ADK: variants seen among roughly 807,000 people sequenced by gnomAD.
ADK encodes the protein adenosine kinase.
Under a neutral mutation model 44.7 loss-of-function variants are expected in ADK, and 24 were observed. The observed-to-expected ratio is 0.54, with a 90% CI of 0.39 to 0.76. The LOEUF is 0.76. ADK is among the 30% of genes least tolerant of loss of function. The pLI is 0.00. For missense variants in ADK, 321 were observed against 425.1 expected, an observed-to-expected ratio of 0.76 and a Z score of 2.15; for synonymous variants, 128 against 142.6, an observed-to-expected ratio of 0.90 and a Z score of 0.73.
intron 3 of ADK, among the ~76,000 whole-genome samples, chr10:74,290,102 T>A (rs11000962): frequency 1.7e-4 from 16 of 94,178 alleles, no homozygotes; most frequent in African/African-American, 3.7e-4. Flanking sequence ...ACACACACAC[T>A]CACACACACT....
At chr10:74,430,877 G>A (rs1233973590) in intron 6 of ADK, among the ~76,000 whole-genome samples, 1 of 151,836 alleles carries the variant, frequency 6.6e-6, no homozygotes, top group Non-Finnish European at 1.5e-5. Flanking sequence ...AAGGCGGCTG[G>A]AAGGAGATGA....
chr10:74,322,193 A>G (rs1274539308), intron 4 of ADK, among the ~76,000 whole-genome samples: 1 of 152,224 alleles, frequency 6.6e-6, no homozygotes, highest in Non-Finnish European at 1.5e-5. Context: ...GTGCATCGGA[A>G]CAGTCCAGAT....
chr10:74,433,071 C>T (rs1258016462), intron 6 of ADK, among the ~76,000 whole-genome samples: 1 of 152,168 alleles, frequency 6.6e-6, no homozygotes, highest in Non-Finnish European at 1.5e-5. Context: ...TGCATGCACA[C>T]ACTGCCCATT....
chr10:74,504,140 G>C (rs892591623), intron 6 of ADK, among the ~76,000 whole-genome samples: 26 of 152,270 alleles, frequency 1.7e-4, no homozygotes, highest in Non-Finnish European at 8.8e-5. Flanking sequence ...ACTCACAAGA[G>C]TGCTACAGGA....
At chr10:74,400,857 C>T (rs971124340) in intron 6 of ADK, among the ~76,000 whole-genome samples, 1 of 152,352 alleles carries the variant, frequency 6.6e-6, no homozygotes, top group Admixed American at 6.5e-5. Context: ...ATTCTCCAAA[C>T]TAGCAGTGTT....
chr10:74,289,847 G>T (rs1354692001), intron 3 of ADK, among the ~76,000 whole-genome samples: 1 of 134,352 alleles, frequency 7.4e-6, no homozygotes. Flanking sequence ...AAAAAAAAAA[G>T]GAAAGAAAAT....
At chr10:74,570,149 C>T (rs1158511908) in intron 7 of ADK, among the ~76,000 whole-genome samples, 2 of 151,876 alleles carry the variant, frequency 1.3e-5, no homozygotes, top group African/African-American at 4.8e-5. Context: ...GTTTTGGTAC[C>T]AGTACCATGC....
chr10:74,453,355 C>G (rs1370586017), intron 6 of ADK, among the ~76,000 whole-genome samples: 2 of 152,082 alleles, frequency 1.3e-5, no homozygotes, highest in Non-Finnish European at 2.9e-5. Flanking sequence ...CTTTTTCCCA[C>G]CATGCAAACA....
chr10:74,663,462 A>G (rs140401126), intron 9 of ADK, among the ~76,000 whole-genome samples: 25 of 152,016 alleles, frequency 1.6e-4, no homozygotes, highest in Admixed American at 4.6e-4. Flanking sequence ...CTAGACTAAA[A>G]CTATGGCTTT....
At chr10:74,430,572 T>C (rs1335426371) in intron 6 of ADK, among the ~76,000 whole-genome samples, 1 of 152,082 alleles carries the variant, frequency 6.6e-6, no homozygotes. Flanking sequence ...CTGGTCAACG[T>C]AGCAAGACCC....
intron 6 of ADK, among the ~76,000 whole-genome samples, chr10:74,416,005 C>T (rs995637167): frequency 1.4e-5 from 2 of 146,008 alleles, no homozygotes; most frequent in Non-Finnish European, 3.0e-5. Context: ...TATATACATA[C>T]ATTTATATAT....
intron 4 of ADK, among the ~76,000 whole-genome samples, chr10:74,329,409 C>G (rs1367004975): frequency 2.0e-5 from 3 of 152,146 alleles, no homozygotes; most frequent in Non-Finnish European, 2.9e-5. Flanking sequence ...ATTCTTTTCT[C>G]CTTATTTAAT....
At chr10:74,155,477 G>C (rs1418323509) in intron 1 of ADK, among the ~76,000 whole-genome samples, 1 of 152,102 alleles carries the variant, frequency 6.6e-6, no homozygotes, top group Non-Finnish European at 1.5e-5. Flanking sequence ...TTGTTGCATA[G>C]AGTGGCACTG....
At chr10:74,680,632 G>T (rs1471459969) in intron 10 of ADK, among the ~76,000 whole-genome samples, 1 of 151,966 alleles carries the variant, frequency 6.6e-6, no homozygotes, top group Non-Finnish European at 1.5e-5. Context: ...GCCAACCTTA[G>T]TACCTAGCAG....
chr10:74,284,690 T>G (rs776703451), intron 3 of ADK, among the ~76,000 whole-genome samples: 2 of 152,192 alleles, frequency 1.3e-5, no homozygotes, highest in African/African-American at 2.4e-5. Flanking sequence ...CCACATAAAT[T>G]AACAGAAACT....
At chr10:74,394,575 C>T (rs1365330395) in intron 5 of ADK, among the ~76,000 whole-genome samples, 1 of 152,144 alleles carries the variant, frequency 6.6e-6, no homozygotes, top group African/African-American at 2.4e-5. Context: ...TCAGAAAAGG[C>T]TGATAGCTTG....
chr10:74,373,796 C>T (rs1428302803), intron 4 of ADK, among the ~76,000 whole-genome samples: 1 of 152,060 alleles, frequency 6.6e-6, no homozygotes, highest in Non-Finnish European at 1.5e-5. Flanking sequence ...CAATTCTGCT[C>T]CTAGGTATAT....
intron 6 of ADK, among the ~76,000 whole-genome samples, chr10:74,408,752 G>A (rs1367506441): frequency 6.6e-6 from 1 of 152,016 alleles, no homozygotes; most frequent in Non-Finnish European, 1.5e-5. Context: ...AATATCATAT[G>A]GAATGAAAAT....
intron 6 of ADK, among the ~76,000 whole-genome samples, chr10:74,456,519 T>C (rs1845949519): frequency 6.6e-6 from 1 of 151,500 alleles, no homozygotes; most frequent in Admixed American, 6.6e-5. Flanking sequence ...ATAGAAAAAT[T>C]AGCCGGGCGT....
Sources: gnomAD v4.1 joint callset for allele counts (sites outside exome capture counted in the v4.1 genomes callset) on GRCh38, gnomAD v4.1.1 for gene constraint, MANE v1.5 for transcripts, NCBI Gene and HGNC (gene_info 2026-07-23, HGNC 2026-07-21) for gene names.